Variants in THSD7B observed in about 807,000 individuals in gnomAD.
The protein encoded by THSD7B is thrombospondin type 1 domain containing 7B, also known as thrombospondin type-1 domain-containing protein 7B.
A neutral mutation model predicts 213.6 loss-of-function variants in THSD7B; 138 were observed. The observed-to-expected ratio is 0.65, with a 90% CI of 0.56 to 0.74. The LOEUF (loss-of-function observed/expected upper bound fraction) is 0.74. THSD7B is among the 30% of genes least tolerant of loss of function. THSD7B has a pLI of 0.00. For synonymous variants in THSD7B, 742 were observed against 687.0 expected (o/e 1.08, Z -1.25); for missense variants, 1,931 against 1,991.5 (o/e 0.97, Z 0.58).
chr2:137,014,473 C>T (rs910262541), intron 2 of THSD7B, among the ~76,000 whole-genome samples: 4 of 152,216 alleles, frequency 2.6e-5, no homozygotes, highest in Non-Finnish European at 5.9e-5. Flanking sequence ...AGGCCAAGAT[C>T]AACTGTCCTT....
At chr2:137,441,441 G>T (rs1375520456) in intron 14 of THSD7B, among the ~76,000 whole-genome samples, 20 of 151,994 alleles carry the variant, frequency 1.3e-4, no homozygotes, top group Admixed American at 1.3e-3. Context: ...TTAATTTGTG[G>T]TCTCTCTCCT....
rs559202636 is a variant in THSD7B at position 137,491,367 on chromosome 2, G to A, written c.3138+40344G>A. The stretch of plus-strand genomic sequence containing the variant: ...ATCAGGAATTATAGGTGTGGCCAAC[G>A]TTTTTGATGGTACTATTACTATGTT... On this transcript the variant is annotated intron_variant, in intron 15 of 27. Coordinates refer to ENST00000409968, the MANE Select transcript of THSD7B (RefSeq NM_001316349.2). Among the ~76,000 whole-genome samples the A allele has an allele frequency of 5.9e-5, 9 of 152,270 alleles. No individual in the cohort carries two copies. In the East Asian group the frequency reaches 1.5e-3, roughly 26 times the overall value.
chr2:136,827,840 C>A (rs1682682153), intron 1 of THSD7B, among the ~76,000 whole-genome samples: 1 of 151,586 alleles, frequency 6.6e-6, no homozygotes, highest in African/African-American at 2.4e-5. Context: ...ATAAAAGAAG[C>A]AACATATTTT....
chr2:137,170,214 A>G (rs992766822), intron 6 of THSD7B, among the ~76,000 whole-genome samples: 2 of 152,108 alleles, frequency 1.3e-5, no homozygotes, highest in African/African-American at 4.8e-5. Context: ...TGGAAAGTGA[A>G]CTCCAAAGAG....
At chr2:137,325,804 A>G (rs1684362455) in intron 12 of THSD7B, among the ~76,000 whole-genome samples, 1 of 152,232 alleles carries the variant, frequency 6.6e-6, no homozygotes, top group Admixed American at 6.5e-5. Flanking sequence ...GCAGAACTCA[A>G]GACTTGGTGT....
At chr2:137,082,556 G>T (rs759301303) in intron 3 of THSD7B, among the ~76,000 whole-genome samples, 1 of 151,924 alleles carries the variant, frequency 6.6e-6, no homozygotes, top group Non-Finnish European at 1.5e-5. Flanking sequence ...ACATAATTTC[G>T]GTCTAAAAGG....
At chr2:136,996,044 A>G (rs1354071131) in intron 2 of THSD7B, among the ~76,000 whole-genome samples, 1 of 152,200 alleles carries the variant, frequency 6.6e-6, no homozygotes, top group East Asian at 1.9e-4. Flanking sequence ...AACATTTTGT[A>G]TCTTTGAAGA....
chr2:137,419,372 G>GTTTTTTTTTTTTTTTTT (rs1246056674), intron 14 of THSD7B, among the ~76,000 whole-genome samples: 1 of 81,316 alleles, frequency 1.2e-5, no homozygotes, highest in Non-Finnish European at 3.4e-5. Context: ...TGGGTCCTGA[G>GTTTTTTTTTTTTTTTTT]TTCTTGTCCC....
At chr2:137,141,863 G>GT (rs1260965287) in intron 5 of THSD7B, among the ~76,000 whole-genome samples, 3 of 151,954 alleles carry the variant, frequency 2.0e-5, no homozygotes, top group East Asian at 3.9e-4. Context: ...TACATTTAAT[G>GT]TTTTTTTGCT....
intron 15 of THSD7B, among the ~76,000 whole-genome samples, chr2:137,526,933 C>A (rs1680291628): frequency 6.6e-6 from 1 of 151,970 alleles, no homozygotes; most frequent in South Asian, 2.1e-4. Context: ...AGAGGAAAAT[C>A]CTCAGAAATT....
intron 2 of THSD7B, among the ~76,000 whole-genome samples, chr2:136,903,773 T>C (rs529200199): frequency 6.6e-6 from 1 of 152,292 alleles, no homozygotes; most frequent in African/African-American, 2.4e-5. Context: ...AAGAAAACCC[T>C]TTACCAATTA....
At chr2:137,381,236 T>C (rs1338048856) in intron 12 of THSD7B, among the ~76,000 whole-genome samples, 1 of 152,124 alleles carries the variant, frequency 6.6e-6, no homozygotes, top group Non-Finnish European at 1.5e-5. Flanking sequence ...TGGCAGTAGA[T>C]GAGTCCCCTG....
At chr2:137,398,511 G>T (rs945270386) in intron 12 of THSD7B, among the ~76,000 whole-genome samples, 36 of 152,030 alleles carry the variant, frequency 2.4e-4, no homozygotes, top group Admixed American at 2.0e-4. Flanking sequence ...TGAGGAGGCA[G>T]TCTACCCGTT....
At chr2:137,092,943 C>T (rs896365406) in intron 3 of THSD7B, among the ~76,000 whole-genome samples, 1 of 152,170 alleles carries the variant, frequency 6.6e-6, no homozygotes, top group African/African-American at 2.4e-5. Flanking sequence ...TGCTCCCCCT[C>T]CCCTTTTTTA....
At position 137,232,999 on chromosome 2, in the gene THSD7B, T is replaced by G. The variant is rs1681677554; in HGVS notation, c.2016T>G (p.Pro672=). 8 of 1,613,982 alleles carry G rather than the reference T, an allele frequency of 5.0e-6. No individual in the cohort carries two copies. Among genetic ancestry groups the G allele is most frequent in the Non-Finnish European group, 6.8e-6 (8 of 1,179,844 alleles). Residue 672 remains proline, a synonymous_variant, in exon 9 of 28, where the codon CCT becomes CCG. Coordinates refer to ENST00000409968, the MANE Select transcript of THSD7B (RefSeq NM_001316349.2). The part of the protein sequence containing the change: ...QLHWETSPWG[P]CSEDTLVTAL... ...ACTGGGAGACATCGCCTTGGGGCCC[T>G]TGTTCTGAGGACACATTGGTAACTG... is the stretch of plus-strand genomic sequence containing the variant.
intron 3 of THSD7B, among the ~76,000 whole-genome samples, chr2:137,072,995 A>G (rs1342568719): frequency 6.6e-6 from 1 of 152,054 alleles, no homozygotes; most frequent in African/African-American, 2.4e-5. Flanking sequence ...GTGCTGCTGG[A>G]TTCAGTTTGC....
In THSD7B at chr2:137,356,967, GACACACACACAC is replaced by G. The variant is rs3048465; in HGVS notation, c.2501-48619_2501-48608del. On this transcript the variant is annotated intron_variant, in intron 12 of 27. Transcript: ENST00000409968. The stretch of plus-strand genomic sequence containing the variant: ...ACACATACACACACACACACACACA[GACACACACACAC>G]ACACACACACACACACACACACACA... Among the ~76,000 whole-genome samples, 121 of 140,974 alleles carry G rather than the reference GACACACACACAC, an allele frequency of 8.6e-4. 1 individual carries two copies. Among genetic ancestry groups the G allele is most frequent in the African/African-American group, 2.8e-3 (107 of 38,224 alleles). 92.5% of individuals were successfully genotyped at this position (140,974 alleles called of 152,430 possible).
intron 3 of THSD7B, among the ~76,000 whole-genome samples, chr2:137,076,221 G>T (rs1205530814): frequency 3.9e-5 from 6 of 152,250 alleles, no homozygotes; most frequent in Admixed American, 3.9e-4. Flanking sequence ...TCCTTGAGCT[G>T]TGGTGGGCTC....
At chr2:137,105,290 G>C (rs1688225812) in intron 4 of THSD7B, among the ~76,000 whole-genome samples, 1 of 152,116 alleles carries the variant, frequency 6.6e-6, no homozygotes. Context: ...CACATAAACA[G>C]AACCAATGAC....
Sources: gnomAD v4.1 joint callset for allele counts (sites outside exome capture counted in the v4.1 genomes callset) on GRCh38, gnomAD v4.1.1 for gene constraint, MANE v1.5 for transcripts, NCBI Gene and HGNC (gene_info 2026-07-23, HGNC 2026-07-21) for gene names.